The following PTPRT variants were observed in gnomAD, a reference collection of about 807,000 sequenced individuals.
PTPRT encodes the protein protein tyrosine phosphatase receptor type T.
In PTPRT, 56 loss-of-function variants were observed where a neutral mutation model predicts 176.8. That is an observed-to-expected ratio of 0.32 (90% CI 0.26 to 0.40). The LOEUF (loss-of-function observed/expected upper bound fraction) is 0.40. Ranked by LOEUF, PTPRT falls within the 10% of genes least tolerant of loss-of-function variation. The probability of loss-of-function intolerance (pLI) is 1.00; values close to 1 mark genes in which losing one functional copy is unlikely to be tolerated. For synonymous variants in PTPRT, 783 were observed against 739.0 expected, an observed-to-expected ratio of 1.06 and a Z score of -0.96; for missense variants, 1,540 against 1,908.2, an observed-to-expected ratio of 0.81 and a Z score of 3.60.
intron 7 of PTPRT, among the ~76,000 whole-genome samples, chr20:42,615,008 C>T (rs2074044584): frequency 7.1e-6 from 1 of 141,596 alleles, no homozygotes; most frequent in Non-Finnish European, 1.5e-5. Flanking sequence ...CATATGTATA[C>T]ATGTGCCATG....
In PTPRT at chr20:43,004,676, G is replaced by A. The variant is rs183538665; in HGVS notation, c.89-118744C>T. Among the ~76,000 whole-genome samples the A allele has an allele frequency of 3.1e-3, 467 of 152,272 alleles. 1 individual carries two copies. Among genetic ancestry groups the A allele is most frequent in the African/African-American group, 0.01 (435 of 41,554 alleles). On this transcript the variant is annotated intron_variant, in intron 1 of 30. Coordinates refer to ENST00000373187, the MANE Select transcript of PTPRT (RefSeq NM_007050.6). ...ATGAAGATCTTCCTCACAGCATTAT[G>A]CACAATAGTGAAAAGAACCTTCGTG...
chr20:42,408,881 G>A (rs3091840), intron 9 of PTPRT, among the ~76,000 whole-genome samples: 11,742 of 152,182 alleles, frequency 0.077, 487 homozygotes, highest in Middle Eastern at 0.13. Flanking sequence ...GTTGCTCTGC[G>A]CTTGCAAGAT....
chr20:42,504,498 T>C (rs934850358), intron 7 of PTPRT, among the ~76,000 whole-genome samples: 9 of 152,036 alleles, frequency 5.9e-5, no homozygotes, highest in African/African-American at 2.2e-4. Context: ...TAAAATCTTA[T>C]TTTAATAAAA....
intron 15 of PTPRT, among the ~76,000 whole-genome samples, chr20:42,231,974 T>G (rs2056143793): frequency 6.6e-6 from 1 of 151,986 alleles, no homozygotes; most frequent in Non-Finnish European, 1.5e-5. Context: ...ATACTTTATC[T>G]CCTCTTTCCC....
intron 8 of PTPRT, among the ~76,000 whole-genome samples, chr20:42,457,787 T>G (rs1482464744): frequency 6.6e-6 from 1 of 152,174 alleles, no homozygotes; most frequent in East Asian, 1.9e-4. Context: ...AGCCTGAAGT[T>G]AGTTACCACA....
At position 43,106,614 on chromosome 20, in the gene PTPRT, G is replaced by A. The variant is rs143642918; in HGVS notation, c.88+83032C>T. Among the ~76,000 whole-genome samples the A allele has an allele frequency of 9.3e-5, 13 of 139,194 alleles. No homozygotes were observed. In the East Asian group the frequency reaches 1.1e-3, roughly 12 times the overall value. 91.3% of individuals were successfully genotyped at this position (139,194 alleles called of 152,430 possible). A position where few individuals can be genotyped will look rare whatever the true frequency, so the allele number is the denominator to read the frequency against. ...ACAGGTTGCAGTGAGCCGGGATCGC[G>A]CCATTGCACTCCAGCCCAGGCTGAC... On this transcript the variant is annotated intron_variant, in intron 1 of 30. Coordinates refer to ENST00000373187, the MANE Select transcript of PTPRT (RefSeq NM_007050.6).
chr20:42,611,888 G>A (rs1410772773), intron 7 of PTPRT, among the ~76,000 whole-genome samples: 1 of 152,128 alleles, frequency 6.6e-6, no homozygotes, highest in Non-Finnish European at 1.5e-5. Context: ...TGGAGCACAT[G>A]AGGCTCTTGC....
intron 6 of PTPRT, among the ~76,000 whole-genome samples, chr20:42,747,198 T>C (rs1287801607): frequency 2.6e-5 from 4 of 151,824 alleles, no homozygotes; most frequent in Non-Finnish European, 5.9e-5. Flanking sequence ...TTCTCAGAGG[T>C]AGAAGGAAAA....
intron 9 of PTPRT, among the ~76,000 whole-genome samples, chr20:42,369,337 C>G (rs772838541): frequency 3.3e-5 from 5 of 152,096 alleles, no homozygotes; most frequent in Non-Finnish European, 7.3e-5. Flanking sequence ...ACTCATGAAC[C>G]GTGAGAGCAC....
intron 6 of PTPRT, chr20:42,688,083 C>T (rs780261188): frequency 2.0e-5 from 3 of 152,202 alleles, no homozygotes; most frequent in African/African-American, 2.4e-5. Flanking sequence ...ACCCCACTAA[C>T]AACATCTCTA....
intron 1 of PTPRT, among the ~76,000 whole-genome samples, chr20:42,962,267 A>G (rs542084238): frequency 3.5e-4 from 53 of 152,378 alleles, no homozygotes; most frequent in African/African-American, 1.2e-3. Context: ...GTTGAACAAC[A>G]TAATAAATGC....
intron 1 of PTPRT, among the ~76,000 whole-genome samples, chr20:43,146,077 G>A (rs1265480591): frequency 1.3e-5 from 2 of 152,256 alleles, no homozygotes; most frequent in East Asian, 1.9e-4. Flanking sequence ...AACTCTCAGC[G>A]AATGAGCATA....
At chr20:42,035,697 G>T in the PTPRT span, among the ~76,000 whole-genome samples, 1 of 152,156 alleles carries the variant, frequency 6.6e-6, no homozygotes, top group Admixed American at 6.6e-5. Flanking sequence ...GATAGAAGTT[G>T]GGTACTATTG....
intron 1 of PTPRT, among the ~76,000 whole-genome samples, chr20:42,912,281 G>A (rs189667638): frequency 6.6e-6 from 1 of 152,158 alleles, no homozygotes; most frequent in Non-Finnish European, 1.5e-5. Flanking sequence ...AGGCCCATTA[G>A]TTTAATTTTA....
chr20:42,450,007 T>C (rs190478768), intron 8 of PTPRT, among the ~76,000 whole-genome samples: 25 of 152,392 alleles, frequency 1.6e-4, no homozygotes, highest in African/African-American at 4.8e-4. Flanking sequence ...CATATTTCAT[T>C]GTGACCTTAT....
At chr20:43,186,068 C>T (rs1190438529) in intron 1 of PTPRT, among the ~76,000 whole-genome samples, 2 of 152,236 alleles carry the variant, frequency 1.3e-5, no homozygotes, top group Admixed American at 1.3e-4. Context: ...ACAGACAAGG[C>T]TCCTCTTGGG....
chr20:43,148,398 G>C (rs1261019329), intron 1 of PTPRT, among the ~76,000 whole-genome samples: 2 of 151,926 alleles, frequency 1.3e-5, no homozygotes, highest in Non-Finnish European at 2.9e-5. Context: ...CTCTTCTTCA[G>C]ACTCCCCTAG....
At chr20:42,388,556 C>T (rs2058767275) in intron 9 of PTPRT, among the ~76,000 whole-genome samples, 2 of 152,138 alleles carry the variant, frequency 1.3e-5, no homozygotes, top group African/African-American at 2.4e-5. Flanking sequence ...CAGAGAAATG[C>T]AAATCAAAAC....
chr20:42,468,855 G>A (rs902630864), intron 8 of PTPRT, among the ~76,000 whole-genome samples: 1 of 152,160 alleles, frequency 6.6e-6, no homozygotes, highest in African/African-American at 2.4e-5. Flanking sequence ...TAACAACCAG[G>A]AATTCCCTGT....
Sources: gnomAD v4.1 joint callset for allele counts (sites outside exome capture counted in the v4.1 genomes callset) on GRCh38, gnomAD v4.1.1 for gene constraint, MANE v1.5 for transcripts, NCBI Gene and HGNC (gene_info 2026-07-23, HGNC 2026-07-21) for gene names.